OCA2: variants seen among roughly 807,000 people sequenced by gnomAD.
The protein encoded by OCA2 is P protein.
OCA2 carries 77 observed loss-of-function variants against 100.2 expected under a neutral mutation model. The ratio of observed to expected loss-of-function variants is 0.77; its 90% CI spans 0.64 to 0.93. The LOEUF is 0.93. OCA2 is among the 40% of genes least tolerant of loss of function. OCA2 has a pLI of 0.00. For missense variants in OCA2, 1,062 were observed against 1,089.1 expected (o/e 0.98, Z 0.35); for synonymous variants, 432 against 439.2 (o/e 0.98, Z 0.21).
At chr15:27,848,801 G>A (rs1043405348) in intron 22 of OCA2, among the ~76,000 whole-genome samples, 12 of 152,260 alleles carry the variant, frequency 7.9e-5, no homozygotes, top group African/African-American at 1.4e-4. Context: ...TCCCTTTGTC[G>A]AGTTGAAGAG....
chr15:28,097,321 C>T (rs1566890302), intron 1 of OCA2, among the ~76,000 whole-genome samples: 1 of 152,366 alleles, frequency 6.6e-6, no homozygotes, highest in East Asian at 1.9e-4. Flanking sequence ...AGTGACAGAA[C>T]CCCAAATGGA....
At chr15:27,836,409 T>C (rs555379293) in intron 23 of OCA2, among the ~76,000 whole-genome samples, 2,331 of 146,074 alleles carry the variant, frequency 0.016, 55 homozygotes, top group African/African-American at 0.058. Flanking sequence ...GTCTTTTCTT[T>C]CTTCTCTTTC....
At chr15:27,726,170 C>G in the OCA2 span, among the ~76,000 whole-genome samples, 1 of 151,782 alleles carries the variant, frequency 6.6e-6, no homozygotes, top group African/African-American at 2.4e-5. Context: ...TGGTGGCACA[C>G]GCCTGTAGTC....
At chr15:27,740,414 G>A in the OCA2 span, among the ~76,000 whole-genome samples, 6 of 152,152 alleles carry the variant, frequency 3.9e-5, no homozygotes, top group Admixed American at 3.3e-4. Flanking sequence ...CCTGACCATC[G>A]CCCCTGGGAG....
chr15:27,854,387 G>A (rs1595521507), intron 21 of OCA2, among the ~76,000 whole-genome samples: 1 of 152,232 alleles, frequency 6.6e-6, no homozygotes, highest in East Asian at 1.9e-4. Flanking sequence ...TGGTTCTCGA[G>A]AGTTGCCTTG....
intron 23 of OCA2, among the ~76,000 whole-genome samples, chr15:27,814,249 TAGA>T (rs58414168): frequency 0.014 from 2,115 of 151,992 alleles, 24 homozygotes; most frequent in South Asian, 0.058. Flanking sequence ...ATTTTATAAG[TAGA>T]AGGAGAAGAA....
chr15:28,085,719 T>C (rs2044765856), intron 1 of OCA2, among the ~76,000 whole-genome samples: 1 of 133,988 alleles, frequency 7.5e-6, no homozygotes, highest in African/African-American at 2.8e-5. Flanking sequence ...CATGCAAACA[T>C]ACTGTCCTAT....
At position 28,058,459 on chromosome 15, in the gene OCA2, G is replaced by A. The variant is rs139855973; in HGVS notation, c.227+23189C>T. 5.6e-3 allele frequency among the ~76,000 whole-genome samples: 846 copies of A among 152,298 alleles called. 4 individuals carry two copies. The highest frequency in any genetic ancestry group is 9.9e-3 in the Non-Finnish European group (676 of 68,012). On this transcript the variant is annotated intron_variant, in intron 2 of 23. Coordinates refer to ENST00000354638, the MANE Select transcript of OCA2 (RefSeq NM_000275.3). ...CTGCAGCTGCAGGAATCATGCAGGA[G>A]GTACTGGCCCAGGGCACGCTGGCCA...
At position 27,874,083 on chromosome 15, in the gene OCA2, C is replaced by T. The variant is rs115268837; in HGVS notation, c.2080-2161G>A. Among the ~76,000 whole-genome samples the T allele has an allele frequency of 5.8e-3, 882 of 152,334 alleles. 10 individuals carry two copies. Among genetic ancestry groups the T allele is most frequent in the African/African-American group, 0.02 (832 of 41,588 alleles). ...ACTGAAATAAGCCAATACAATAAAT[C>T]ATTGCTACCACTTATTTCAAAATGA... On this transcript the variant is annotated intron_variant, in intron 19 of 23. Transcript: ENST00000354638.
chr15:27,946,514 C>T (rs757314341), intron 18 of OCA2, among the ~76,000 whole-genome samples: 1 of 152,198 alleles, frequency 6.6e-6, no homozygotes, highest in Non-Finnish European at 1.5e-5. Flanking sequence ...TTCCGATTCC[C>T]GTACGTCACT....
intron 23 of OCA2, among the ~76,000 whole-genome samples, chr15:27,814,237 G>T (rs577608357): frequency 5.0e-4 from 76 of 151,624 alleles, no homozygotes; most frequent in African/African-American, 1.8e-3. Flanking sequence ...AAAAAACACA[G>T]AATTTTATAA....
intron 2 of OCA2, among the ~76,000 whole-genome samples, chr15:28,042,935 T>C (rs2043247865): frequency 6.6e-6 from 1 of 152,184 alleles, no homozygotes; most frequent in Admixed American, 6.5e-5. Context: ...ATGTTAGGGT[T>C]GATGGTAACC....
intron 21 of OCA2, among the ~76,000 whole-genome samples, chr15:27,870,809 A>AG (rs2036531654): frequency 5.6e-5 from 4 of 70,942 alleles, no homozygotes; most frequent in African/African-American, 2.5e-4. Flanking sequence ...AGAAAGAAAG[A>AG]AAGAGAGAGA....
intron 23 of OCA2, among the ~76,000 whole-genome samples, chr15:27,842,348 T>G (rs984818644): frequency 6.6e-6 from 1 of 152,234 alleles, no homozygotes; most frequent in African/African-American, 2.4e-5. Flanking sequence ...TACTTTTGTA[T>G]TTTATTCGTT....
At chr15:27,918,729 G>T (rs1411201795) in intron 19 of OCA2, among the ~76,000 whole-genome samples, 1 of 152,122 alleles carries the variant, frequency 6.6e-6, no homozygotes, top group Non-Finnish European at 1.5e-5. Flanking sequence ...TAAAACCAAT[G>T]CTACATGTAC....
At chr15:28,056,404 T>C (rs72712678) in intron 2 of OCA2, among the ~76,000 whole-genome samples, 14,022 of 152,204 alleles carry the variant, frequency 0.092, 829 homozygotes, top group African/African-American at 0.16. Flanking sequence ...CCCAGAAAAT[T>C]TGTCCACAGG....
At chr15:27,938,599 T>C (rs2039539686) in intron 18 of OCA2, among the ~76,000 whole-genome samples, 1 of 152,178 alleles carries the variant, frequency 6.6e-6, no homozygotes. Context: ...TTACTGTGCT[T>C]AGAGGCTGGT....
At chr15:27,927,646 G>A (rs72712628) in intron 18 of OCA2, among the ~76,000 whole-genome samples, 29,302 of 152,048 alleles carry the variant, frequency 0.19, 4,108 homozygotes, top group East Asian at 0.62. Flanking sequence ...CACCAGCAGT[G>A]GATGAGAATT....
At chr15:27,952,006 C>T in intron 17 of OCA2, 114 bp from the exon 18 acceptor site, 1 of 789,970 alleles carries the variant, frequency 1.3e-6, no homozygotes, top group East Asian at 2.7e-5. Flanking sequence ...AAAAATGTAA[C>T]CTCTCGAACT....
Sources: gnomAD v4.1 joint callset for allele counts (sites outside exome capture counted in the v4.1 genomes callset) on GRCh38, gnomAD v4.1.1 for gene constraint, MANE v1.5 for transcripts, NCBI Gene and HGNC (gene_info 2026-07-23, HGNC 2026-07-21) for gene names.